The following DCX variants were observed in gnomAD, a reference collection of about 807,000 sequenced individuals.
DCX encodes the protein doublecortin, also known as neuronal migration protein doublecortin.
A neutral mutation model predicts 20.9 loss-of-function variants in DCX; 4 were observed. The ratio of observed to expected loss-of-function variants is 0.19; its 90% CI spans 0.09 to 0.44. The LOEUF (loss-of-function observed/expected upper bound fraction) is 0.44, where lower values mean the gene tolerates loss of function less well. Ranked by LOEUF, DCX falls within the 20% of genes least tolerant of loss-of-function variation. DCX has a pLI of 0.99. For missense variants in DCX, 133 were observed against 296.9 expected (o/e 0.45, Z 4.06); for synonymous variants, 103 against 111.4 (o/e 0.92, Z 0.47).
chrX:111,351,182 C>T (rs1378948480), intron 3 of DCX, among the ~76,000 whole-genome samples: 1 of 111,865 alleles, frequency 8.9e-6, no homozygotes, highest in Non-Finnish European at 1.9e-5. Context: ...TAAGAGGATA[C>T]AGTGTTCTTT....
intron 5 of DCX, among the ~76,000 whole-genome samples, chrX:111,326,288 TA>T: frequency 9.2e-6 from 1 of 108,882 alleles, no homozygotes; most frequent in Non-Finnish European, 1.9e-5. Flanking sequence ...GGGGGCTCCT[TA>T]AAAAAAAAGA....
At chrX:111,336,714 T>C (rs1327417148) in intron 3 of DCX, among the ~76,000 whole-genome samples, 1 of 112,300 alleles carries the variant, frequency 8.9e-6, no homozygotes, top group Non-Finnish European at 1.9e-5. Context: ...TGAAAGAACA[T>C]ATTATCCTAA....
chrX:111,381,944 T>TA (rs1363502664), intron 3 of DCX, among the ~76,000 whole-genome samples: 4 of 112,022 alleles, frequency 3.6e-5, no homozygotes, highest in Non-Finnish European at 7.5e-5. Context: ...TCTTTTTTTT[T>TA]AAATCCACTG....
intron 3 of DCX, among the ~76,000 whole-genome samples, chrX:111,371,270 T>C (rs1011235433): frequency 1.8e-5 from 2 of 112,257 alleles, no homozygotes; most frequent in African/African-American, 6.5e-5. Context: ...TAAACACCCA[T>C]CCCTGCCCCT....
intron 3 of DCX, among the ~76,000 whole-genome samples, chrX:111,335,916 T>C (rs967773542): frequency 9.2e-6 from 1 of 108,977 alleles, no homozygotes; most frequent in Admixed American, 9.9e-5. Flanking sequence ...ATCACACCAC[T>C]GCACTCCAGC....
At chrX:111,360,131 C>T (rs965907100) in intron 3 of DCX, among the ~76,000 whole-genome samples, 19 of 111,784 alleles carry the variant, frequency 1.7e-4, no homozygotes, top group Admixed American at 9.5e-5. Context: ...GAATATTATA[C>T]AGCTGTTAAA....
intron 5 of DCX, among the ~76,000 whole-genome samples, chrX:111,328,097 G>A (rs2095103683): frequency 8.9e-6 from 1 of 112,278 alleles, no homozygotes; most frequent in Non-Finnish European, 1.9e-5. Flanking sequence ...TTGGTGGTAG[G>A]AAACAGAGGT....
At chrX:111,335,953 A>AAAAG (rs763672409) in intron 3 of DCX, among the ~76,000 whole-genome samples, 25 of 111,468 alleles carry the variant, frequency 2.2e-4, no homozygotes, top group South Asian at 3.9e-4. Flanking sequence ...ACTCCGAAAA[A>AAAAG]AAAGAAAGAA....
Position 111,366,454 on chromosome X carries a change from G to A in DCX, c.706-33301C>T, listed in dbSNP as rs757129321. Among the ~76,000 whole-genome samples the A allele has an allele frequency of 7.1e-5, 8 of 112,051 alleles. No individual in the cohort carries two copies. The South Asian group carries it at 2.3e-3, about 32-fold the overall frequency. On this transcript the variant is annotated intron_variant, in intron 3 of 6. Transcript: ENST00000636035. The stretch of plus-strand genomic sequence containing the variant: ...GGCTAATGGTCAAGTCTAAGAAGTC[G>A]AAGGCAACCAGAGCCCACCACAGGA...
chrX:111,373,240 C>T (rs957244157), intron 3 of DCX, among the ~76,000 whole-genome samples: 1 of 111,981 alleles, frequency 8.9e-6, no homozygotes, highest in Non-Finnish European at 1.9e-5. Flanking sequence ...TATCATTATC[C>T]TTCTAGCCCC....
intron 5 of DCX, among the ~76,000 whole-genome samples, chrX:111,327,842 T>C (rs1202007794): frequency 8.9e-6 from 1 of 112,265 alleles, no homozygotes; most frequent in Non-Finnish European, 1.9e-5. Context: ...CCTTATGGAA[T>C]GTTCACTGAA....
At position 111,299,427 on chromosome X, in the gene DCX, T is replaced by C. The variant is rs573573943; in HGVS notation, c.*2260A>G. The C allele has an allele frequency of 2.7e-5, 3 of 111,532 alleles. No individual in the cohort carries two copies. Among genetic ancestry groups the C allele is most frequent in the Admixed American group, 9.5e-5 (1 of 10,488 alleles). 9.2% of individuals were successfully genotyped at this position (111,532 alleles called of 1,213,427 possible). A position where few individuals can be genotyped will look rare whatever the true frequency, so the allele number is the denominator to read the frequency against. ...TGTGAGGCCCAAGCATAAGGAAATC[T>C]GGATTCTTCCTCTGGTCCTGCTCTT... On this transcript the variant is annotated 3_prime_UTR_variant, in exon 7 of 7. Transcript: ENST00000636035.
intron 3 of DCX, among the ~76,000 whole-genome samples, chrX:111,383,938 T>C (rs1249951430): frequency 9.0e-6 from 1 of 111,236 alleles, no homozygotes; most frequent in Admixed American, 9.6e-5. Flanking sequence ...ACAGCTCCGA[T>C]ATTCTGAGTC....
chrX:111,373,533 T>A (rs1283453422), intron 3 of DCX, among the ~76,000 whole-genome samples: 1 of 111,176 alleles, frequency 9.0e-6, no homozygotes, highest in Admixed American at 9.6e-5. Context: ...GAAATAGGAA[T>A]AATTGGTTGT....
chrX:111,356,227 T>TC (rs1923721221), intron 3 of DCX, among the ~76,000 whole-genome samples: 1 of 112,761 alleles, frequency 8.9e-6, no homozygotes, highest in African/African-American at 3.2e-5. Flanking sequence ...TGCCAACTTT[T>TC]CTTTTGATAA....
At chrX:111,347,769 A>C (rs1922957241) in intron 3 of DCX, among the ~76,000 whole-genome samples, 1 of 110,585 alleles carries the variant, frequency 9.0e-6, no homozygotes, top group African/African-American at 3.3e-5. Flanking sequence ...GTGCCATAAT[A>C]AACTTTTCGA....
At chrX:111,317,748 G>C (rs1464282528) in intron 5 of DCX, among the ~76,000 whole-genome samples, 1 of 111,841 alleles carries the variant, frequency 8.9e-6, no homozygotes, top group Non-Finnish European at 1.9e-5. Context: ...AGTGGGCAAA[G>C]GGCATGAACA....
intron 3 of DCX, among the ~76,000 whole-genome samples, chrX:111,380,880 T>C (rs1925916280): frequency 9.0e-6 from 1 of 111,162 alleles, no homozygotes. Context: ...TATGATATTA[T>C]CTTTTTTTTG....
At chrX:111,373,539 G>T (rs1925278575) in intron 3 of DCX, among the ~76,000 whole-genome samples, 1 of 111,318 alleles carries the variant, frequency 9.0e-6, no homozygotes, top group African/African-American at 3.3e-5. Context: ...GGAATAATTG[G>T]TTGTGTTCAC....
Sources: allele counts gnomAD v4.1 joint callset (sites outside exome capture counted in the v4.1 genomes callset), GRCh38; gene constraint gnomAD v4.1.1; transcripts MANE v1.5; gene names NCBI Gene and HGNC (gene_info 2026-07-23, HGNC 2026-07-21).